Variants in EXOSC2 observed in about 807,000 individuals in gnomAD.
EXOSC2 encodes the protein exosome component 2.
EXOSC2 carries 29 observed loss-of-function variants against 37.6 expected under a neutral mutation model. That is an observed-to-expected ratio of 0.77 (90% CI 0.57 to 1.05). EXOSC2 has a LOEUF of 1.05. EXOSC2 is among the 50% of genes least tolerant of loss of function. The pLI is 0.00. For missense variants in EXOSC2, 346 were observed against 365.6 expected, an observed-to-expected ratio of 0.95 and a Z score of 0.44; for synonymous variants, 119 against 131.1, an observed-to-expected ratio of 0.91 and a Z score of 0.63.
chr9:130,703,586 A>G, intron 8 of EXOSC2, 108 bp from the exon 9 acceptor site: 1 of 830,348 alleles, frequency 1.2e-6, no homozygotes, highest in South Asian at 1.8e-5. Context: ...TGAGACATGA[A>G]AGGAATACAG....
intron 2 of EXOSC2, among the ~76,000 whole-genome samples, chr9:130,696,802 A>G (rs1831106401): frequency 6.6e-6 from 1 of 152,042 alleles, no homozygotes; most frequent in African/African-American, 2.4e-5. Context: ...TGAGAGAGAG[A>G]GAGGAATCAA....
At chr9:130,695,855 CTTTTT>C (rs397721632) in intron 2 of EXOSC2, among the ~76,000 whole-genome samples, 1 of 111,206 alleles carries the variant, frequency 9.0e-6, no homozygotes, top group East Asian at 2.7e-4. Flanking sequence ...AGGATTTTCT[CTTTTT>C]TTTTTTTTTT....
rs900915398 is a variant in EXOSC2, at chr9:130,694,117, C to T, written c.122+204C>T. ...TCCCCGTCTGCATTTGTCTCAGCTC[C>T]CTGAAACCCTCCACTCCTGACCTCC... On this transcript the variant is annotated intron_variant, in intron 1 of 8. Coordinates refer to ENST00000372358, the MANE Select transcript of EXOSC2 (RefSeq NM_014285.7). The surrounding 1 kb of genome is among the most constrained non-coding windows in gnomAD (Gnocchi z 4.0). Among the ~76,000 whole-genome samples the T allele has an allele frequency of 6.6e-6, 1 of 152,074 alleles. No individual in the cohort carries two copies. The highest frequency in any genetic ancestry group is 2.4e-5 in the African/African-American group (1 of 41,402).
At chr9:130,695,411 A>C (rs1831070716) in intron 1 of EXOSC2, 81 bp from the exon 2 acceptor site, 1 of 1,222,098 alleles carries the variant, frequency 8.2e-7, no homozygotes, top group Non-Finnish European at 1.2e-6. Flanking sequence ...GTTAGCTTTG[A>C]GGAACACGTT....
Position 130,700,886 on chromosome 9 carries a change from T to C in EXOSC2, c.446T>C (p.Phe149Ser). 2 of 1,614,098 alleles carry C rather than the reference T, an allele frequency of 1.2e-6. No individual in the cohort carries two copies. Among genetic ancestry groups the C allele is most frequent in the Non-Finnish European group, 1.7e-6 (2 of 1,180,010 alleles). Residue 149 changes from phenylalanine to serine, a missense_variant, in exon 6 of 9, where the codon TTC becomes TCC. Phe to Ser is a radical substitution (Grantham distance 155). Transcript: ENST00000372358. ...DLISAEVQAV[F>S]SDGAVSLHTR... Reference sequence around the variant, plus strand: ...GGCCAGGCTGAGGTCCAGGCAGTGTTCTCTGACGGAGCTGTCTCTTTGCAC... The same window carrying C: ...GGCCAGGCTGAGGTCCAGGCAGTGTCCTCTGACGGAGCTGTCTCTTTGCAC...
At position 130,698,507 on chromosome 9, in the gene EXOSC2, G is replaced by A. The variant is rs1588198268; in HGVS notation, c.360+256G>A. ...GGATCCCAACAGAGAGTTGGGGAGA[G>A]AAGCCCTTAGATGCTGGTTGTTAAC... On this transcript the variant is annotated intron_variant, in intron 4 of 8. Coordinates refer to ENST00000372358, the MANE Select transcript of EXOSC2 (RefSeq NM_014285.7). The surrounding 1 kb of genome is among the most constrained non-coding windows in gnomAD (Gnocchi z 4.1). 6.6e-6 allele frequency among the ~76,000 whole-genome samples: 1 copy of A among 152,236 alleles called. No homozygotes were observed. The highest frequency in any genetic ancestry group is 2.1e-4 in the South Asian group (1 of 4,826).
At chr9:130,697,078 G>A (rs1264795961) in intron 2 of EXOSC2, among the ~76,000 whole-genome samples, 1 of 152,180 alleles carries the variant, frequency 6.6e-6, no homozygotes. Flanking sequence ...ATTAGATTGA[G>A]TGGCCGAAAA....
intron 8 of EXOSC2, 36 bp from the exon 9 acceptor site, chr9:130,703,658 T>C: frequency 6.3e-7 from 1 of 1,574,828 alleles, no homozygotes. Flanking sequence ...TTATGGTTGG[T>C]TTCTTTTCTG....
intron 6 of EXOSC2, 139 bp downstream of exon 6, chr9:130,701,074 C>T (rs111389605): frequency 4.8e-5 from 36 of 742,604 alleles, no homozygotes; most frequent in South Asian, 1.9e-4. Flanking sequence ...ACAAACTGAT[C>T]GTGTTCCTTA....
At chr9:130,701,700 C>A in intron 6 of EXOSC2, 2 of 846,540 alleles carry the variant, frequency 2.4e-6, no homozygotes, top group Non-Finnish European at 2.9e-6. Context: ...TTGCACCCAG[C>A]TCCACCCATC....
chr9:130,704,717 A>G lies in EXOSC2; in HGVS notation c.*943A>G, dbSNP rs747127240. 1 of 152,156 alleles carries G rather than the reference A, an allele frequency of 6.6e-6. No individual in the cohort carries two copies. Among genetic ancestry groups the G allele is most frequent in the Non-Finnish European group, 1.5e-5 (1 of 68,052 alleles). The allele number at this position is 152,156 out of a possible 1,614,324, so 9.4% of individuals were successfully genotyped here. Reference sequence around the variant, plus strand: ...GAATGTTCTGGGTCCATGTACTCAGATAAACATGAAGAAAATAAGCAAAGA... The same window carrying G: ...GAATGTTCTGGGTCCATGTACTCAGGTAAACATGAAGAAAATAAGCAAAGA... On this transcript the variant is annotated 3_prime_UTR_variant, in exon 9 of 9. Coordinates refer to ENST00000372358, the MANE Select transcript of EXOSC2 (RefSeq NM_014285.7).
intron 5 of EXOSC2, 54 bp from the exon 6 acceptor site, chr9:130,700,813 G>A (rs1039919508): frequency 1.3e-6 from 2 of 1,561,654 alleles, no homozygotes; most frequent in Non-Finnish European, 1.8e-6. Context: ...GGCTGCAGAG[G>A]ACAGGACAGT....
At position 130,698,170 on chromosome 9, in the gene EXOSC2, G is replaced by A. The variant is rs764395192; in HGVS notation, c.279G>A (p.Gln93=). The A allele has an allele frequency of 6.2e-7, 1 of 1,614,116 alleles. No individual in the cohort carries two copies. Among genetic ancestry groups the A allele is most frequent in the Admixed American group, 1.7e-5 (1 of 60,020 alleles). ...TGGAACTTGGCTTATAGGTTCAACA[G>A]AAGAGGTGGAAGGTGGAGACCAACT... is the stretch of plus-strand genomic sequence containing the variant. ...IVVGRITEVQ[Q]KRWKVETNSR... Residue 93 remains glutamine, a synonymous_variant, in exon 4 of 9, where the codon CAG becomes CAA. Coordinates refer to ENST00000372358, the MANE Select transcript of EXOSC2 (RefSeq NM_014285.7). The surrounding 1 kb of genome is among the most constrained non-coding windows in gnomAD (Gnocchi z 4.1).
In EXOSC2 at chr9:130,699,459, A is replaced by G. The variant is rs376407286; in HGVS notation, c.426+65A>G. On this transcript the variant is annotated intron_variant, in intron 5 of 8. Coordinates refer to ENST00000372358, the MANE Select transcript of EXOSC2 (RefSeq NM_014285.7). ...TGTGGGACTGGGAAATGGGCCTTCCATTGTATGTCTCTGACGGAAGAACCA... is the reference window on the plus strand; with the variant it reads ...TGTGGGACTGGGAAATGGGCCTTCCGTTGTATGTCTCTGACGGAAGAACCA... 1.2e-5 allele frequency: 18 copies of G among 1,450,164 alleles called. No homozygotes were observed. In the African/African-American group the frequency reaches 2.1e-4, roughly 17 times the overall value. 89.8% of individuals were successfully genotyped at this position (1,450,164 alleles called of 1,614,324 possible). A position where few individuals can be genotyped will look rare whatever the true frequency, so the allele number is the denominator to read the frequency against.
intron 8 of EXOSC2, 110 bp downstream of exon 8, chr9:130,703,291 G>T: frequency 7.7e-7 from 1 of 1,294,780 alleles, no homozygotes; most frequent in Admixed American, 2.4e-5. Context: ...CCGTCAGTAT[G>T]AACTGGCCTG....
At chr9:130,700,973 G>T in intron 6 of EXOSC2, 38 bp downstream of exon 6, 1 of 1,602,352 alleles carries the variant, frequency 6.2e-7, no homozygotes, top group South Asian at 1.1e-5. Flanking sequence ...TGCTGACTGA[G>T]ACTACAAGGC....
chr9:130,702,117 G>A lies in EXOSC2; in HGVS notation c.496-17G>A, dbSNP rs370229708. On this transcript the variant is annotated splice_polypyrimidine_tract_variant and intron_variant, in intron 6 of 8. Coordinates refer to ENST00000372358, the MANE Select transcript of EXOSC2 (RefSeq NM_014285.7). ...GCCAATCTTGCAGTGACCTAGCTTC[G>A]TGATATATTTCTTTAGCTAGGTCAG... is the stretch of plus-strand genomic sequence containing the variant. The A allele has an allele frequency of 2.5e-4, 410 of 1,612,088 alleles. 1 individual carries two copies. The Middle Eastern group carries it at 2.6e-3, about 10-fold the overall frequency.
rs149879094 is a variant in EXOSC2 at position 130,701,171 on chromosome 9, A to G, written c.495+236A>G. 1,693 of 440,472 alleles carry G rather than the reference A, an allele frequency of 3.8e-3. 24 individuals carry two copies. The highest frequency in any genetic ancestry group is 0.025 in the East Asian group (555 of 22,310). 27.3% of individuals were successfully genotyped at this position (440,472 alleles called of 1,614,324 possible). A position where few individuals can be genotyped will look rare whatever the true frequency, so the allele number is the denominator to read the frequency against. ...AGTTTTATCCTTTTTCTCCAAGGAG[A>G]CTGACTTTCACCAGAAGAGCCCCTC... On this transcript the variant is annotated intron_variant, in intron 6 of 8. Coordinates refer to ENST00000372358, the MANE Select transcript of EXOSC2 (RefSeq NM_014285.7).
At position 130,697,627 on chromosome 9, in the gene EXOSC2, G is replaced by A. The variant is rs1831124325; in HGVS notation, c.270G>A (p.Glu90=). 1 of 1,613,900 alleles carries A rather than the reference G, an allele frequency of 6.2e-7. No homozygotes were observed. The highest frequency in any genetic ancestry group is 1.3e-5 in the African/African-American group (1 of 74,914). The stretch of plus-strand genomic sequence containing the variant: ...ACATCGTAGTGGGACGAATCACAGA[G>A]GTAACGTCGATATCAGATTGGTGTT... ...VGDIVVGRIT[E]VQQKRWKVET... The change falls in exon 3 of 9, where the codon GAG becomes GAA. Residue 90 remains glutamate (E), a splice_region_variant and synonymous_variant. Coordinates refer to ENST00000372358, the MANE Select transcript of EXOSC2 (RefSeq NM_014285.7).
Sources: gnomAD v4.1 joint callset for allele counts (sites outside exome capture counted in the v4.1 genomes callset) on GRCh38, gnomAD v4.1.1 for gene constraint, Gnocchi (gnomAD v3.1) non-coding constraint, MANE v1.5 for transcripts, NCBI Gene and HGNC (gene_info 2026-07-23, HGNC 2026-07-21) for gene names.